MS4A6A: variants seen among roughly 807,000 people sequenced by gnomAD.
MS4A6A encodes the protein membrane-spanning 4-domains subfamily A member 6A.
A neutral mutation model predicts 20.6 loss-of-function variants in MS4A6A; 19 were observed. The ratio of observed to expected loss-of-function variants is 0.92; its 90% CI spans 0.64 to 1.36. The LOEUF (loss-of-function observed/expected upper bound fraction) is 1.36, where lower values mean the gene tolerates loss of function less well. Ranked by LOEUF, MS4A6A falls within the 40% of genes most tolerant of loss-of-function variation. MS4A6A has a pLI of 0.00. For synonymous variants in MS4A6A, 108 were observed against 105.0 expected, an observed-to-expected ratio of 1.03 and a Z score of -0.17; for missense variants, 272 against 261.1, an observed-to-expected ratio of 1.04 and a Z score of -0.29.
chr11:60,178,680 C>A, intron 3 of MS4A6A: 3 of 293,746 alleles, frequency 1.0e-5, no homozygotes, highest in South Asian at 6.2e-5. Context: ...AGTAATTTTA[C>A]AGAGGAGAAA....
chr11:60,173,726 T>C lies in MS4A6A; in HGVS notation c.550-597A>G, dbSNP rs572319376. Among the ~76,000 whole-genome samples the C allele has an allele frequency of 5.3e-5, 8 of 152,114 alleles. No individual in the cohort carries two copies. In the East Asian group the frequency reaches 9.7e-4, roughly 18 times the overall value. On this transcript the variant is annotated intron_variant, in intron 5 of 5. Transcript: ENST00000528851. The stretch of plus-strand genomic sequence containing the variant: ...GTTGTTGTTTCTTTGTTGTTTTTTC[T>C]TTTTTTTCTTTTTTTTGGGGGTGTA...
In MS4A6A at chr11:60,172,500, G is replaced by T. The variant is rs1017680602; in HGVS notation, c.*501C>A. The T allele has an allele frequency of 1.4e-5, 17 of 1,209,158 alleles. No individual in the cohort carries two copies. The African/African-American group carries it at 2.4e-4, about 17-fold the overall frequency. 74.9% of individuals were successfully genotyped at this position (1,209,158 alleles called of 1,614,324 possible). On this transcript the variant is annotated 3_prime_UTR_variant, in exon 6 of 6. Transcript: ENST00000528851. ...TAAAGCCATAAGTCCATAGGGGTTT[G>T]ATTCAACAATACATTTTTAATATAG...
At chr11:60,173,819 T>C (rs1305549682) in intron 5 of MS4A6A, among the ~76,000 whole-genome samples, 1 of 152,128 alleles carries the variant, frequency 6.6e-6, no homozygotes, top group African/African-American at 2.4e-5. Flanking sequence ...CAACACCAAC[T>C]CACAAGAATG....
intron 5 of MS4A6A, among the ~76,000 whole-genome samples, chr11:60,174,076 C>A (rs1856715947): frequency 6.6e-6 from 1 of 152,222 alleles, no homozygotes; most frequent in Admixed American, 6.5e-5. Context: ...TCTGAAATTT[C>A]TCTTCAGAAT....
chr11:60,177,032 G>C (rs1856876410), intron 4 of MS4A6A: 1 of 152,158 alleles, frequency 6.6e-6, no homozygotes, highest in Non-Finnish European at 1.5e-5. Context: ...GTAAAATTAA[G>C]AGAAATTTTT....
intron 5 of MS4A6A, among the ~76,000 whole-genome samples, chr11:60,173,383 T>C (rs1281915024): frequency 6.6e-6 from 1 of 152,232 alleles, no homozygotes; most frequent in East Asian, 1.9e-4. Context: ...ACTTATTTCT[T>C]ACTTCTTTGA....
downstream of MS4A6A, chr11:60,172,207 G>T: frequency 6.2e-7 from 1 of 1,613,346 alleles, no homozygotes; most frequent in South Asian, 1.1e-5. Flanking sequence ...CATTTTTGAG[G>T]ACATGCCAGA....
rs1324627380 is a variant in MS4A6A at position 60,179,837 on chromosome 11, G to A, written c.276C>T (p.Pro92=). The change falls in exon 3 of 6, where the codon CCC becomes CCT. Residue 92 remains proline, a synonymous_variant. Coordinates refer to ENST00000528851, the MANE Select transcript of MS4A6A (RefSeq NM_022349.4). ...LLNSAYPFIG[P]FFFIISGSLS... Reference sequence around the variant, plus strand: ...CCTCAGAAACTCTACTCACAAAAAAGGGTCCTATGAATGGGTAAGCAGAGT... The same window carrying A: ...CCTCAGAAACTCTACTCACAAAAAAAGGTCCTATGAATGGGTAAGCAGAGT... 1 of 1,614,056 alleles carries A rather than the reference G, an allele frequency of 6.2e-7. No individual in the cohort carries two copies. Among genetic ancestry groups the A allele is most frequent in the Non-Finnish European group, 8.5e-7 (1 of 1,179,988 alleles).
rs142112854 is a variant in MS4A6A at position 60,181,065 on chromosome 11, C to T, written c.147+516G>A. 1.5e-3 allele frequency: 674 copies of T among 453,780 alleles called. 2 individuals carry two copies. Among genetic ancestry groups the T allele is most frequent in the African/African-American group, 0.011 (547 of 50,084 alleles). The allele number at this position is 453,780 out of a possible 1,614,324, so 28.1% of individuals were successfully genotyped here. A position where few individuals can be genotyped will look rare whatever the true frequency, so the allele number is the denominator to read the frequency against. ...GATAGATCCCTTCTTTCTCTCCTCCCTTCATGCAATACAGCTTCTTTAATA... is the reference window on the plus strand; with the variant it reads ...GATAGATCCCTTCTTTCTCTCCTCCTTTCATGCAATACAGCTTCTTTAATA... On this transcript the variant is annotated intron_variant, in intron 2 of 5. Coordinates refer to ENST00000528851, the MANE Select transcript of MS4A6A (RefSeq NM_022349.4).
intron 5 of MS4A6A, among the ~76,000 whole-genome samples, chr11:60,174,231 C>A (rs1345738209): frequency 6.6e-6 from 1 of 152,146 alleles, no homozygotes; most frequent in Non-Finnish European, 1.5e-5. Flanking sequence ...ATGACTTTGA[C>A]CAGACCTTTC....
At chr11:60,184,147 A>G (rs1205036496), upstream of MS4A6A, 1 of 152,280 alleles carries the variant, frequency 6.6e-6, no homozygotes, top group Admixed American at 6.5e-5. Context: ...TGTTGAAGAA[A>G]GGAGTTAAGA....
intron 5 of MS4A6A, among the ~76,000 whole-genome samples, chr11:60,173,934 C>T (rs559669939): frequency 1.3e-5 from 2 of 152,312 alleles, no homozygotes; most frequent in South Asian, 4.1e-4. Context: ...GGTATTTATA[C>T]ACAGTTAAAG....
At chr11:60,173,806 C>A (rs1324341908) in intron 5 of MS4A6A, among the ~76,000 whole-genome samples, 1 of 151,940 alleles carries the variant, frequency 6.6e-6, no homozygotes, top group Admixed American at 6.5e-5. Flanking sequence ...AGTTGCTAAT[C>A]ACCAACACCA....
upstream of MS4A6A, chr11:60,183,103 A>G: frequency 6.6e-7 from 1 of 1,525,056 alleles, no homozygotes; most frequent in Non-Finnish European, 8.7e-7. Context: ...TCCTTATTCC[A>G]GTGTTTACAG....
Position 60,179,475 on chromosome 11 carries a change from T to C in MS4A6A, c.282+356A>G, listed in dbSNP as rs1024739695. ...GTGGTTTCTCTGTGAGTGTGTGATG[T>C]CTTCCATTTATGCTCTTTTTTTTTT... On this transcript the variant is annotated intron_variant, in intron 3 of 5. Transcript: ENST00000528851. 11 of 576,576 alleles carry C rather than the reference T, an allele frequency of 1.9e-5. No individual in the cohort carries two copies. In the Admixed American group the frequency reaches 3.2e-4, roughly 17 times the overall value. The allele number at this position is 576,576 out of a possible 1,614,324, so 35.7% of individuals were successfully genotyped here. A position where few individuals can be genotyped will look rare whatever the true frequency, so the allele number is the denominator to read the frequency against.
At chr11:60,172,038 T>TA (rs1565095414), downstream of MS4A6A, 1 of 944,322 alleles carries the variant, frequency 1.1e-6, no homozygotes, top group African/African-American at 1.6e-5. Context: ...TGGTTTTTTT[T>TA]AATGTTCATT....
chr11:60,175,751 C>T (rs1354385627), intron 4 of MS4A6A, 140 bp from the exon 5 acceptor site: 1 of 820,486 alleles, frequency 1.2e-6, no homozygotes, highest in Admixed American at 2.8e-5. Context: ...GTATGCCTCT[C>T]CAGTGTCCAG....
chr11:60,175,444 T>G lies in MS4A6A; in HGVS notation c.507A>C (p.Ser169=). ...CTGTATAGCAGTCCGTGGTATAAAG[T>G]GAATCATGATAAAAGTAAGAAACAT... ...RSYVSYFYHD[S]LYTTDCYTAK... The change falls in exon 5 of 6, where the codon TCA becomes TCC. Residue 169 remains serine (S), a synonymous_variant. Transcript: ENST00000528851. The G allele has an allele frequency of 6.2e-7, 1 of 1,614,132 alleles. No individual in the cohort carries two copies. The highest frequency in any genetic ancestry group is 8.5e-7 in the Non-Finnish European group (1 of 1,180,000).
In MS4A6A at chr11:60,181,639, G is replaced by T. The variant is rs1192410819; in HGVS notation, c.89C>A (p.Thr30Asn). Residue 30 changes from threonine to asparagine, a missense_variant, in exon 2 of 6, where the codon ACC (threonine) becomes AAC (asparagine). Thr to Asn is a moderately conservative substitution (Grantham distance 65). Coordinates refer to ENST00000528851, the MANE Select transcript of MS4A6A (RefSeq NM_022349.4). The stretch of plus-strand genomic sequence containing the variant: ...CTTCAGGCTATCCTGCCCCTGGTTG[G>T]TGGGTTCGGGTTTCTCTGCTTGGGA... ...NFSQAEKPEP[T>N]NQGQDSLKKH... 6.2e-7 allele frequency: 1 copy of T among 1,614,140 alleles called. No individual in the cohort carries two copies. The highest frequency in any genetic ancestry group is 1.7e-5 in the Admixed American group (1 of 60,012).
Sources: gnomAD v4.1 joint callset for allele counts (sites outside exome capture counted in the v4.1 genomes callset) on GRCh38, gnomAD v4.1.1 for gene constraint, MANE v1.5 for transcripts, NCBI Gene and HGNC (gene_info 2026-07-23, HGNC 2026-07-21) for gene names.